The following RNF115 variants were observed in gnomAD, a reference collection of about 807,000 sequenced individuals.
RNF115 encodes the protein ring finger protein 115.
In RNF115, 31 loss-of-function variants were observed where a neutral mutation model predicts 39.2. That is an observed-to-expected ratio of 0.79 (90% CI 0.59 to 1.07). The LOEUF is 1.07. Among genes scored for constraint, RNF115 ranks in the 50% least tolerant of loss-of-function variants. RNF115 has a pLI of 0.00. For synonymous variants in RNF115, 124 were observed against 131.0 expected, an observed-to-expected ratio of 0.95 and a Z score of 0.37; for missense variants, 384 against 381.7, an observed-to-expected ratio of 1.01 and a Z score of -0.05.
At chr1:145,787,876 A>C (rs1300639906) in intron 2 of RNF115, among the ~76,000 whole-genome samples, 6 of 152,074 alleles carry the variant, frequency 3.9e-5, no homozygotes. Context: ...CAACAGAGCA[A>C]GACTCTGTCT....
At chr1:145,807,448 C>T (rs905604709) in intron 1 of RNF115, among the ~76,000 whole-genome samples, 1 of 152,170 alleles carries the variant, frequency 6.6e-6, no homozygotes, top group Non-Finnish European at 1.5e-5. Context: ...AGCACCTGCA[C>T]TTGATAGAGA....
At chr1:145,764,254 C>T (rs1329280427) in intron 4 of RNF115, among the ~76,000 whole-genome samples, 2 of 152,198 alleles carry the variant, frequency 1.3e-5, no homozygotes, top group African/African-American at 4.8e-5. Context: ...GGCTTGATCT[C>T]GGCTCGCTAC....
chr1:145,789,924 C>T (rs1158114254), intron 1 of RNF115, among the ~76,000 whole-genome samples: 1 of 151,788 alleles, frequency 6.6e-6, no homozygotes, highest in Non-Finnish European at 1.5e-5. Flanking sequence ...TCTCAAACTC[C>T]TGACCTCAGG....
At chr1:145,776,422 C>T (rs1329187828) in intron 3 of RNF115, among the ~76,000 whole-genome samples, 1 of 151,834 alleles carries the variant, frequency 6.6e-6, no homozygotes, top group African/African-American at 2.4e-5. Flanking sequence ...CCTCGGCCTC[C>T]CAGAATGCTG....
chr1:145,822,676 G>A (rs1300253380), intron 1 of RNF115, among the ~76,000 whole-genome samples: 1 of 151,070 alleles, frequency 6.6e-6, no homozygotes, highest in Non-Finnish European at 1.5e-5. Context: ...CATTCACTCT[G>A]GGGGAGCTCC....
chr1:145,803,377 C>A (rs1407058555), intron 1 of RNF115, among the ~76,000 whole-genome samples: 1 of 152,092 alleles, frequency 6.6e-6, no homozygotes, highest in Non-Finnish European at 1.5e-5. Flanking sequence ...GTAACATTCA[C>A]ATTCACAACC....
At chr1:145,821,996 A>C (rs1170415386) in intron 1 of RNF115, among the ~76,000 whole-genome samples, 1 of 151,536 alleles carries the variant, frequency 6.6e-6, no homozygotes, top group Non-Finnish European at 1.5e-5. Context: ...GCCAAAAAAA[A>C]AAACATAAAC....
chr1:145,786,176 A>G lies in RNF115; in HGVS notation c.162-1580T>C, dbSNP rs1337839573. 1.3e-5 allele frequency among the ~76,000 whole-genome samples: 2 copies of G among 152,194 alleles called. 1 individual carries two copies. The highest frequency in any genetic ancestry group is 4.8e-5 in the African/African-American group (2 of 41,444). On this transcript the variant is annotated intron_variant, in intron 2 of 8. Transcript: ENST00000582693. Reference sequence around the variant, plus strand: ...AGCTAATCATAGAGAAGGGATAATAAAAACCACCACATTGTTCTGAGAAAT... The same window carrying G: ...AGCTAATCATAGAGAAGGGATAATAGAAACCACCACATTGTTCTGAGAAAT...
At chr1:145,761,431 G>C (rs587749464) in intron 4 of RNF115, among the ~76,000 whole-genome samples, 6 of 152,312 alleles carry the variant, frequency 3.9e-5, no homozygotes, top group African/African-American at 1.4e-4. Context: ...CTAGGGACTT[G>C]GTGCCCTGTG....
At chr1:145,793,677 A>T (rs1648791460) in intron 1 of RNF115, among the ~76,000 whole-genome samples, 1 of 151,914 alleles carries the variant, frequency 6.6e-6, no homozygotes, top group Non-Finnish European at 1.5e-5. Flanking sequence ...TGCTCATACT[A>T]GAAACCCGGG....
Position 145,784,579 on chromosome 1 carries a change from C to T in RNF115, c.179G>A (p.Gly60Asp). ...TDDSSFLGGG[G>D]SRIDNTTTTH... ...TGTTGTGGTATTGTCTATCCGACTG[C>T]CGCCACCACCTAAAAAACTAAAGAG... Residue 60 changes from glycine (G) to aspartate (D), a missense_variant, in exon 3 of 9, where the codon GGC (glycine) becomes GAC (aspartate). Physicochemically the swap from Gly to Asp is moderately conservative, Grantham distance 94. Transcript: ENST00000582693. The T allele has an allele frequency of 6.2e-7, 1 of 1,613,828 alleles. No homozygotes were observed. Among genetic ancestry groups the T allele is most frequent in the Non-Finnish European group, 8.5e-7 (1 of 1,179,826 alleles).
At chr1:145,776,354 G>C (rs1571740688) in intron 3 of RNF115, among the ~76,000 whole-genome samples, 1 of 151,588 alleles carries the variant, frequency 6.6e-6, no homozygotes, top group Non-Finnish European at 1.5e-5. Context: ...AGTAGAGATG[G>C]GGTTTCACCA....
chr1:145,785,402 AGTT>A (rs1648335646), intron 2 of RNF115, among the ~76,000 whole-genome samples: 2 of 152,202 alleles, frequency 1.3e-5, no homozygotes, highest in Non-Finnish European at 2.9e-5. Context: ...GACACTCAAA[AGTT>A]GTTGAATTAA....
intron 6 of RNF115, among the ~76,000 whole-genome samples, 171 bp from the exon 7 acceptor site, chr1:145,750,671 A>G (rs1658046451): frequency 6.6e-6 from 1 of 152,192 alleles, no homozygotes; most frequent in African/African-American, 2.4e-5. Context: ...CAGAACACTC[A>G]TAATTGCTTT....
intron 1 of RNF115, among the ~76,000 whole-genome samples, chr1:145,796,269 G>T (rs1553720011): frequency 1.3e-5 from 2 of 152,128 alleles, no homozygotes; most frequent in African/African-American, 4.8e-5. Context: ...TCTATCAATT[G>T]CTTCCAACTA....
rs201076519 is a variant in RNF115 at position 145,822,257 on chromosome 1, G to A, written c.102+1515C>T. Reference sequence around the variant, plus strand: ...GCAGGAGACTCTCTTGAACCCGGCAGGTGGAGGTTGCAGTCAGCCGAAATC... The same window carrying A: ...GCAGGAGACTCTCTTGAACCCGGCAAGTGGAGGTTGCAGTCAGCCGAAATC... On this transcript the variant is annotated intron_variant, in intron 1 of 8. Coordinates refer to ENST00000582693, the MANE Select transcript of RNF115 (RefSeq NM_014455.4). Among the ~76,000 whole-genome samples, 368 of 151,672 alleles carry A rather than the reference G, an allele frequency of 2.4e-3. No individual in the cohort carries two copies. In the East Asian group the frequency reaches 0.029, roughly 12 times the overall value.
Position 145,746,782 on chromosome 1 carries a change from C to CTA in RNF115, c.*83_*84insTA. 7.5e-7 allele frequency: 1 copy of CTA among 1,339,414 alleles called. No homozygotes were observed. The highest frequency in any genetic ancestry group is 2.2e-5 in the Admixed American group (1 of 45,684). 83.0% of individuals were successfully genotyped at this position (1,339,414 alleles called of 1,614,324 possible). ...TGAGTTTCTTACATATTCCTAAATC[C>CTA]ATCTACTAATTTTTTGTTTTGATAC... On this transcript the variant is annotated 3_prime_UTR_variant, in exon 9 of 9. Transcript: ENST00000582693.
Position 145,784,712 on chromosome 1 carries a change from CCAACA to C in RNF115, c.162-121_162-117del, listed in dbSNP as rs1377529069. ...GCCCAATAAGGAAAAATAACTCATCCCAACACAACACCTATTAAAGGAAATTATGA... is the reference window on the plus strand; with the variant it reads ...GCCCAATAAGGAAAAATAACTCATCCCAACACCTATTAAAGGAAATTATGA... On this transcript the variant is annotated intron_variant, in intron 2 of 8. Coordinates refer to ENST00000582693, the MANE Select transcript of RNF115 (RefSeq NM_014455.4). The C allele has an allele frequency of 9.1e-6, 7 of 768,374 alleles. No individual in the cohort carries two copies. The Admixed American group carries it at 1.3e-4, about 15-fold the overall frequency. 47.6% of individuals were successfully genotyped at this position (768,374 alleles called of 1,614,324 possible).
In RNF115 at chr1:145,803,471, A is replaced by T. The variant is rs149204372; in HGVS notation, c.103-14505T>A. Among the ~76,000 whole-genome samples the T allele has an allele frequency of 4.9e-4, 74 of 152,046 alleles. 1 individual carries two copies. The East Asian group carries it at 0.01, about 21-fold the overall frequency. Reference sequence around the variant, plus strand: ...GTGGCGTGATCTTGGCTCACTGCAAACTCTGCCTCCCAGGCTGAAGCAATT... The same window carrying T: ...GTGGCGTGATCTTGGCTCACTGCAATCTCTGCCTCCCAGGCTGAAGCAATT... On this transcript the variant is annotated intron_variant, in intron 1 of 8. Coordinates refer to ENST00000582693, the MANE Select transcript of RNF115 (RefSeq NM_014455.4).
Sources: allele counts gnomAD v4.1 joint callset (sites outside exome capture counted in the v4.1 genomes callset), GRCh38; gene constraint gnomAD v4.1.1; transcripts MANE v1.5; gene names NCBI Gene and HGNC (gene_info 2026-07-23, HGNC 2026-07-21).